Variants in PRDM15 observed in about 807,000 individuals in gnomAD.
PRDM15 encodes PR/SET domain 15.
A neutral mutation model predicts 128.6 loss-of-function variants in PRDM15; 64 were observed. The ratio of observed to expected loss-of-function variants is 0.50; its 90% CI spans 0.41 to 0.61. The LOEUF (loss-of-function observed/expected upper bound fraction) is 0.61. PRDM15 is among the 20% of genes least tolerant of loss of function. The probability of loss-of-function intolerance (pLI) is 0.00; values close to 1 mark genes in which losing one functional copy is unlikely to be tolerated. For synonymous variants in PRDM15, 615 were observed against 621.8 expected (o/e 0.99, Z 0.16); for missense variants, 1,242 against 1,569.1 (o/e 0.79, Z 3.52).
chr21:41,834,370 C>G (rs2062797251), intron 11 of PRDM15: 3 of 766,492 alleles, frequency 3.9e-6, no homozygotes, highest in Admixed American at 4.2e-5. Flanking sequence ...CTGGTCAGAG[C>G]CCCTGGGAGT....
At chr21:41,826,660 T>C (rs888966752) in intron 12 of PRDM15, among the ~76,000 whole-genome samples, 2 of 152,218 alleles carry the variant, frequency 1.3e-5, no homozygotes, top group African/African-American at 4.8e-5. Context: ...GATCTCTTTC[T>C]ACACTGCCGA....
At position 41,826,103 on chromosome 21, in the gene PRDM15, G is replaced by A. The variant is rs201929888; in HGVS notation, c.1535-49C>T. The A allele has an allele frequency of 2.6e-4, 371 of 1,449,276 alleles. 1 individual carries two copies. Among genetic ancestry groups the A allele is most frequent in the East Asian group, 1.5e-3 (64 of 44,050 alleles). The allele number at this position is 1,449,276 out of a possible 1,614,324, so 89.8% of individuals were successfully genotyped here. The stretch of plus-strand genomic sequence containing the variant: ...AAGACAGTGAATACACATAGAACAC[G>A]CGAAGGTCCATCAGATTCCACTTCA... On this transcript the variant is annotated intron_variant, in intron 12 of 23. Transcript: ENST00000398548.
chr21:41,836,841 G>A (rs2062913691), intron 8 of PRDM15, 192 bp from the exon 9 acceptor site: 1 of 483,108 alleles, frequency 2.1e-6, no homozygotes, highest in African/African-American at 1.9e-5. Context: ...AATATATAAT[G>A]ACATTAGGCA....
At chr21:41,820,508 G>T (rs975214880) in intron 16 of PRDM15, among the ~76,000 whole-genome samples, 1 of 152,212 alleles carries the variant, frequency 6.6e-6, no homozygotes, top group African/African-American at 2.4e-5. Context: ...GACACGCACA[G>T]TGGAACGGCC....
At chr21:41,843,325 G>A (rs2063132715) in intron 6 of PRDM15, among the ~76,000 whole-genome samples, 1 of 152,100 alleles carries the variant, frequency 6.6e-6, no homozygotes, top group Non-Finnish European at 1.5e-5. Flanking sequence ...TCTTCCTGGA[G>A]CCCTTGCTGC....
chr21:41,825,666 G>C (rs2062443645), intron 13 of PRDM15, among the ~76,000 whole-genome samples: 1 of 152,206 alleles, frequency 6.6e-6, no homozygotes, highest in Admixed American at 6.5e-5. Context: ...TGCTATACAG[G>C]AGAGTGGGAG....
intron 1 of PRDM15, among the ~76,000 whole-genome samples, chr21:41,871,069 G>C (rs2064190696): frequency 6.6e-6 from 1 of 152,178 alleles, no homozygotes; most frequent in Non-Finnish European, 1.5e-5. Flanking sequence ...ATAAAACACA[G>C]ATACAGACAT....
In PRDM15 at chr21:41,859,974, T is replaced by C. The variant is rs1352040932; in HGVS notation, c.38-289A>G. 1.3e-5 allele frequency among the ~76,000 whole-genome samples: 2 copies of C among 152,106 alleles called. No individual in the cohort carries two copies. Among genetic ancestry groups the C allele is most frequent in the African/African-American group, 2.4e-5 (1 of 41,430 alleles). On this transcript the variant is annotated intron_variant, in intron 2 of 23. Coordinates refer to ENST00000398548, the MANE Select transcript of PRDM15 (RefSeq NM_001040424.3). This position sits in a 1 kb window ranked among gnomAD's most constrained non-coding sequence, Gnocchi z 5.3. ...CTCAAATCAAGCACGGTCACCTCCA[T>C]GGTGACGAAGACCAAGACCCTCCCC...
At position 41,871,800 on chromosome 21, in the gene PRDM15, C is replaced by T. The variant is rs535188332; in HGVS notation, c.-10+7470G>A. 4.6e-4 allele frequency: 286 copies of T among 624,968 alleles called. 2 individuals are homozygous for T. In the South Asian group the frequency reaches 5.1e-3, roughly 11 times the overall value. The allele number at this position is 624,968 out of a possible 1,614,324, so 38.7% of individuals were successfully genotyped here. A position where few individuals can be genotyped will look rare whatever the true frequency, so the allele number is the denominator to read the frequency against. On this transcript the variant is annotated intron_variant, in intron 1 of 23. Transcript: ENST00000398548. Reference sequence around the variant, plus strand: ...AGACCTGCTGCGTTTCATCACCTCTCCAGCACCCAGGCTCAGGACGTGCAG... The same window carrying T: ...AGACCTGCTGCGTTTCATCACCTCTTCAGCACCCAGGCTCAGGACGTGCAG...
intron 5 of PRDM15, among the ~76,000 whole-genome samples, chr21:41,847,616 C>T (rs901428382): frequency 1.3e-5 from 2 of 152,194 alleles, no homozygotes; most frequent in South Asian, 2.1e-4. Flanking sequence ...CAGCCAGTGG[C>T]GCCCCCGTGT....
chr21:41,802,316 G>C (rs1173995698), intron 23 of PRDM15, among the ~76,000 whole-genome samples: 1 of 152,204 alleles, frequency 6.6e-6, no homozygotes, highest in African/African-American at 2.4e-5. Context: ...TTGTGGGATT[G>C]TCTTCACCTT....
At chr21:41,860,915 A>G (rs1333552590) in intron 1 of PRDM15, among the ~76,000 whole-genome samples, 1 of 152,240 alleles carries the variant, frequency 6.6e-6, no homozygotes, top group African/African-American at 2.4e-5. Flanking sequence ...GAATGGCCTC[A>G]TGAACTCAGA....
intron 23 of PRDM15, 73 bp from the exon 24 acceptor site, chr21:41,801,795 C>A: frequency 6.6e-7 from 1 of 1,503,990 alleles, no homozygotes; most frequent in Non-Finnish European, 9.1e-7. Context: ...CCCCAGGATG[C>A]GCTCTGTGTT....
rs2062565834 is a variant in PRDM15, at chr21:41,828,812, C to A, written c.1367-479G>T. Among the ~76,000 whole-genome samples the A allele has an allele frequency of 6.6e-6, 1 of 152,072 alleles. No homozygotes were observed. Among genetic ancestry groups the A allele is most frequent in the African/African-American group, 2.4e-5 (1 of 41,354 alleles). On this transcript the variant is annotated intron_variant, in intron 11 of 23. Transcript: ENST00000398548. The surrounding 1 kb of genome is among the most constrained non-coding windows in gnomAD (Gnocchi z 5.7). ...CCCCCAGGATCCCTGGTGTTGGCCCCTCCCAACTCCTTCCCCGTGGGCGGG... is the reference window on the plus strand; with the variant it reads ...CCCCCAGGATCCCTGGTGTTGGCCCATCCCAACTCCTTCCCCGTGGGCGGG...
At chr21:41,823,501 G>A (rs1301759371) in intron 13 of PRDM15, 52 bp from the exon 14 acceptor site, 1 of 1,527,322 alleles carries the variant, frequency 6.5e-7, no homozygotes, top group South Asian at 1.2e-5. Flanking sequence ...GTGACGGGAA[G>A]GAGCCTCTCC....
chr21:41,877,609 CTG>C (rs1355927749), intron 1 of PRDM15: 5 of 152,242 alleles, frequency 3.3e-5, no homozygotes, highest in African/African-American at 1.2e-4. Flanking sequence ...AATGGCAGGA[CTG>C]TTCTTTCCTG....
At position 41,801,578 on chromosome 21, in the gene PRDM15, G is replaced by T. The variant is rs556113305; in HGVS notation, c.3088C>A (p.Pro1030Thr). Residue 1030 changes from proline (P) to threonine (T), a missense_variant, in exon 24 of 24, where the codon CCT becomes ACT. This residue lies in a region of PRDM15 where 602 missense variants were observed against 788.3 expected (regional missense o/e 0.76). Transcript: ENST00000398548. ...QPVAVGHLTT[P>T]ERQLQLDNSI... The stretch of plus-strand genomic sequence containing the variant: ...TTGTCCAGCTGTAACTGGCGTTCAG[G>T]GGTGGTAAGGTGCCCCACGGCCACC... 1 of 1,614,198 alleles carries T rather than the reference G, an allele frequency of 6.2e-7. No homozygotes were observed. The highest frequency in any genetic ancestry group is 2.2e-5 in the East Asian group (1 of 44,890).
chr21:41,830,858 T>G (rs2062664298), intron 11 of PRDM15, among the ~76,000 whole-genome samples: 1 of 152,194 alleles, frequency 6.6e-6, no homozygotes, highest in African/African-American at 2.4e-5. Context: ...AGCCCCCCAG[T>G]GCCATCTGTC....
chr21:41,864,546 G>A (rs1417087977), intron 1 of PRDM15, among the ~76,000 whole-genome samples: 3 of 151,904 alleles, frequency 2.0e-5, no homozygotes, highest in East Asian at 1.9e-4. Flanking sequence ...ATCTTAGGAC[G>A]CAGTTGTCAG....
Sources: gnomAD v4.1 joint callset for allele counts (sites outside exome capture counted in the v4.1 genomes callset) on GRCh38, gnomAD v4.1.1 for gene constraint, gnomAD v4.1.1 regional missense constraint, Gnocchi (gnomAD v3.1) non-coding constraint, MANE v1.5 for transcripts, NCBI Gene and HGNC (gene_info 2026-07-23, HGNC 2026-07-21) for gene names.